Variants in C10orf90 observed in about 807,000 individuals in gnomAD.
The protein encoded by C10orf90 is (E2-independent) E3 ubiquitin-conjugating enzyme FATS.
In C10orf90, 56 loss-of-function variants were observed where a neutral mutation model predicts 62.5. The ratio of observed to expected loss-of-function variants is 0.90; its 90% CI spans 0.72 to 1.12. The LOEUF (loss-of-function observed/expected upper bound fraction) is 1.12. C10orf90 is among the 50% of genes most tolerant of loss of function. The pLI is 0.00. For missense variants in C10orf90, 970 were observed against 880.4 expected (o/e 1.10, Z -1.29); for synonymous variants, 386 against 340.4 (o/e 1.13, Z -1.47).
chr10:126,466,375 C>T (rs1469645843), intron 4 of C10orf90, among the ~76,000 whole-genome samples: 3 of 151,100 alleles, frequency 2.0e-5, no homozygotes, highest in South Asian at 4.2e-4. Flanking sequence ...CACACAAACA[C>T]ACACACACAC....
chr10:126,554,322 C>T (rs923856730), intron 2 of C10orf90, among the ~76,000 whole-genome samples: 8 of 151,932 alleles, frequency 5.3e-5, no homozygotes, highest in African/African-American at 1.9e-4. Context: ...CAAAAGTAAT[C>T]GATTGCAGTA....
chr10:126,510,138 T>C (rs1016939977), intron 3 of C10orf90, among the ~76,000 whole-genome samples: 6 of 152,154 alleles, frequency 3.9e-5, no homozygotes, highest in Non-Finnish European at 8.8e-5. Context: ...TTAACCTTAA[T>C]CACTTCTTTA....
In C10orf90 at chr10:126,643,577, G is replaced by A. The variant is rs186185683; in HGVS notation, c.313+2988C>T. Among the ~76,000 whole-genome samples the A allele has an allele frequency of 1.5e-4, 23 of 152,240 alleles. No homozygotes were observed. In the East Asian group the frequency reaches 3.5e-3, roughly 23 times the overall value. On this transcript the variant is annotated intron_variant, in intron 2 of 9. Coordinates refer to ENST00000488181, the MANE Select transcript of C10orf90 (RefSeq NM_001350921.2). ...TGACTGATGGTCGGGTCAGCATGGC[G>A]CCTGACCCAGCAGTTCCAGGTAAGG...
chr10:126,525,070 G>T lies in C10orf90; in HGVS notation c.314-11131C>A, dbSNP rs556316393. 2.6e-5 allele frequency among the ~76,000 whole-genome samples: 4 copies of T among 152,294 alleles called. No homozygotes were observed. In the South Asian group the frequency reaches 8.3e-4, roughly 32 times the overall value. ...GATGCCACCCTCAACTGCCACCCCA[G>T]CTTCCCCCTAAGGGAGATCCATGCT... On this transcript the variant is annotated intron_variant, in intron 2 of 9. Coordinates refer to ENST00000488181, the MANE Select transcript of C10orf90 (RefSeq NM_001350921.2).
chr10:126,487,533 T>C (rs1157193651), intron 4 of C10orf90, among the ~76,000 whole-genome samples: 1 of 152,172 alleles, frequency 6.6e-6, no homozygotes, highest in Admixed American at 6.5e-5. Context: ...CATACCTTAG[T>C]ATGTTAGTCT....
intron 2 of C10orf90, among the ~76,000 whole-genome samples, chr10:126,644,053 CCA>C (rs1158024281): frequency 3.9e-5 from 6 of 152,186 alleles, no homozygotes; most frequent in African/African-American, 1.4e-4. Context: ...TGTTTTAAGC[CCA>C]GTTTTAGGAT....
intron 2 of C10orf90, among the ~76,000 whole-genome samples, chr10:126,532,955 C>T (rs936474684): frequency 1.1e-4 from 16 of 149,012 alleles, no homozygotes; most frequent in Non-Finnish European, 1.9e-4. Context: ...TTTTTTGAGA[C>T]GGAGTCTCGC....
At position 126,464,972 on chromosome 10, in the gene C10orf90, A is replaced by G; in HGVS notation, c.1549T>C (p.Phe517Leu). The part of the protein sequence containing the change: ...WSYRAVHTKV[F>L]SGSSKRQQGE... ...TGTTGCCTCTTGCTGCTTCCAGAAA[A>G]TACTTTTGTGTGTACTAAAAATAAA... Residue 517 changes from phenylalanine (F) to leucine (L), a missense_variant, in exon 5 of 10, where the codon TTT becomes CTT. Phe to Leu is a conservative substitution (Grantham distance 22). Coordinates refer to ENST00000488181, the MANE Select transcript of C10orf90 (RefSeq NM_001350921.2). 1 of 1,595,010 alleles carries G rather than the reference A, an allele frequency of 6.3e-7. No homozygotes were observed. The highest frequency in any genetic ancestry group is 8.6e-7 in the Non-Finnish European group (1 of 1,164,168).
intron 1 of C10orf90, among the ~76,000 whole-genome samples, chr10:126,656,557 T>C (rs780657316): frequency 5.7e-4 from 87 of 152,242 alleles, no homozygotes; most frequent in Non-Finnish European, 1.1e-3. Flanking sequence ...TTAATTAAGA[T>C]GCTAGAAGTT....
chr10:126,525,115 C>A (rs1863896589), intron 2 of C10orf90, among the ~76,000 whole-genome samples: 1 of 152,146 alleles, frequency 6.6e-6, no homozygotes, highest in African/African-American at 2.4e-5. Flanking sequence ...TCCCAATTAC[C>A]AGACCCGTTA....
chr10:126,479,433 T>C (rs951377321), intron 4 of C10orf90, among the ~76,000 whole-genome samples: 1 of 152,174 alleles, frequency 6.6e-6, no homozygotes, highest in Non-Finnish European at 1.5e-5. Flanking sequence ...TGGTAAGTCA[T>C]GCAGAGCCTG....
Position 126,504,827 on chromosome 10 carries a change from TG to T in C10orf90, c.663del (p.Glu223ArgfsTer82). On this transcript the variant is annotated frameshift_variant, in exon 4 of 10. Transcript: ENST00000488181. LOFTEE classifies it high-confidence loss of function. This position sits in a 1 kb window ranked among gnomAD's most constrained non-coding sequence, Gnocchi z 4.1. The part of the protein sequence containing the change: ...DERGPEAELP[P>X]KEERPCGGPR... ...GGGCCCCCACAGGGTCTCTCCTCTTTGGGCGGCAGCTCTGCCTCAGGTCCTC... is the reference window on the plus strand; with the variant it reads ...GGGCCCCCACAGGGTCTCTCCTCTTTGGCGGCAGCTCTGCCTCAGGTCCTC... The T allele has an allele frequency of 6.2e-7, 1 of 1,601,908 alleles. No homozygotes were observed. Among genetic ancestry groups the T allele is most frequent in the African/African-American group, 1.3e-5 (1 of 74,832 alleles).
At chr10:126,548,890 T>C (rs1285505943) in intron 2 of C10orf90, among the ~76,000 whole-genome samples, 1 of 152,242 alleles carries the variant, frequency 6.6e-6, no homozygotes, top group East Asian at 1.9e-4. Flanking sequence ...CAAGTGATTT[T>C]TGACAAAGGT....
intron 7 of C10orf90, among the ~76,000 whole-genome samples, chr10:126,432,949 C>T (rs1402125603): frequency 1.3e-5 from 2 of 152,190 alleles, no homozygotes; most frequent in East Asian, 1.9e-4. Context: ...GAGTTTTAAA[C>T]ATGAGATCTG....
chr10:126,546,211 C>G (rs1373059802), intron 2 of C10orf90, among the ~76,000 whole-genome samples: 2 of 152,198 alleles, frequency 1.3e-5, no homozygotes, highest in Non-Finnish European at 2.9e-5. Context: ...TCCAGCCAAA[C>G]CCCACAGAAT....
chr10:126,657,602 C>T (rs1197812551), intron 1 of C10orf90, among the ~76,000 whole-genome samples: 2 of 147,234 alleles, frequency 1.4e-5, no homozygotes, highest in Admixed American at 6.8e-5. Context: ...AATTTTAATA[C>T]TTTGTCTTTT....
At chr10:126,603,854 G>A (rs925107948) in intron 2 of C10orf90, among the ~76,000 whole-genome samples, 15 of 152,254 alleles carry the variant, frequency 9.9e-5, no homozygotes, top group East Asian at 5.8e-4. Flanking sequence ...CATCTGCTGC[G>A]TGACAAGACG....
At chr10:126,496,686 T>C (rs1862075512) in intron 4 of C10orf90, 2 of 985,448 alleles carry the variant, frequency 2.0e-6, no homozygotes, top group Middle Eastern at 5.2e-4. Flanking sequence ...TCATCGCTCC[T>C]CACCCTTTCC....
At chr10:126,612,374 C>T (rs1845455309) in intron 2 of C10orf90, among the ~76,000 whole-genome samples, 1 of 152,064 alleles carries the variant, frequency 6.6e-6, no homozygotes, top group Admixed American at 6.6e-5. Flanking sequence ...GTGGCTACCA[C>T]ATTGGACAGT....
Sources: allele counts gnomAD v4.1 joint callset (sites outside exome capture counted in the v4.1 genomes callset), GRCh38; gene constraint gnomAD v4.1.1; non-coding constraint Gnocchi (gnomAD v3.1); transcripts MANE v1.5; gene names NCBI Gene and HGNC (gene_info 2026-07-23, HGNC 2026-07-21).